Variants in RNF144B observed in about 807,000 individuals in gnomAD.
The protein encoded by RNF144B is E3 ubiquitin-protein ligase RNF144B.
A neutral mutation model predicts 40.2 loss-of-function variants in RNF144B; 25 were observed. The ratio of observed to expected loss-of-function variants is 0.62; its 90% CI spans 0.45 to 0.87. The LOEUF (loss-of-function observed/expected upper bound fraction) is 0.87. Ranked by LOEUF, RNF144B falls within the 40% of genes least tolerant of loss-of-function variation. The pLI is 0.00. For missense variants in RNF144B, 365 were observed against 373.7 expected, an observed-to-expected ratio of 0.98 and a Z score of 0.19; for synonymous variants, 145 against 136.3, an observed-to-expected ratio of 1.06 and a Z score of -0.44.
chr6:18,435,278 C>G lies in RNF144B; in HGVS notation c.271-4406C>G, dbSNP rs140942592. ...AAGTAGTTGATCTCAGGGTAGTGGT[C>G]TCTTGATAGCTGAGAATATACCTAG... On this transcript the variant is annotated intron_variant, in intron 3 of 7. Coordinates refer to ENST00000259939, the MANE Select transcript of RNF144B (RefSeq NM_182757.4). Among the ~76,000 whole-genome samples, 3 of 152,258 alleles carry G rather than the reference C, an allele frequency of 2.0e-5. No homozygotes were observed. The East Asian group carries it at 5.8e-4, about 29-fold the overall frequency.
intron 1 of RNF144B, among the ~76,000 whole-genome samples, chr6:18,393,587 C>G (rs1344982157): frequency 6.6e-6 from 1 of 152,204 alleles, no homozygotes; most frequent in Non-Finnish European, 1.5e-5. Flanking sequence ...GTACCAAGAT[C>G]AACATAATGC....
rs1759573198 is a variant in RNF144B at position 18,466,490 on chromosome 6, C to T, written c.*1423C>T. On this transcript the variant is annotated 3_prime_UTR_variant, in exon 8 of 8. Coordinates refer to ENST00000259939, the MANE Select transcript of RNF144B (RefSeq NM_182757.4). The stretch of plus-strand genomic sequence containing the variant: ...ATCACCTCATTGTGACTTATTTTTT[C>T]CATTATACCATTAGTCAGATTTGAA... 1 of 152,556 alleles carries T rather than the reference C, an allele frequency of 6.6e-6. No individual in the cohort carries two copies. Among genetic ancestry groups the T allele is most frequent in the Non-Finnish European group, 1.5e-5 (1 of 68,020 alleles). 9.5% of individuals were successfully genotyped at this position (152,556 alleles called of 1,614,324 possible).
At chr6:18,427,501 GAC>G in intron 2 of RNF144B, 78 bp from the exon 3 acceptor site, 1 of 876,722 alleles carries the variant, frequency 1.1e-6, no homozygotes, top group Non-Finnish European at 1.8e-6. Flanking sequence ...TAAGGAAGAA[GAC>G]ACAGTGGTGG....
intron 2 of RNF144B, among the ~76,000 whole-genome samples, chr6:18,421,265 A>G (rs1758409896): frequency 7.3e-6 from 1 of 136,886 alleles, no homozygotes; most frequent in Non-Finnish European, 1.5e-5. Context: ...AAAAAAAATT[A>G]TATATTATAC....
rs1758768906 is a variant in RNF144B at position 18,434,419 on chromosome 6, A to T, written c.271-5265A>T. ...TGGTGATGCTTGTTTAAATATTATG[A>T]TCGTGGTTAATACTGATTAACAGGT... On this transcript the variant is annotated intron_variant, in intron 3 of 7. Coordinates refer to ENST00000259939, the MANE Select transcript of RNF144B (RefSeq NM_182757.4). This position sits in a 1 kb window ranked among gnomAD's most constrained non-coding sequence, Gnocchi z 4.1. 6.6e-6 allele frequency among the ~76,000 whole-genome samples: 1 copy of T among 151,876 alleles called. No individual in the cohort carries two copies.
At chr6:18,388,236 A>G (rs1159646155) in intron 1 of RNF144B, among the ~76,000 whole-genome samples, 4 of 152,182 alleles carry the variant, frequency 2.6e-5, no homozygotes, top group African/African-American at 4.8e-5. Context: ...TCATGTTCTC[A>G]TAACAGACTG....
chr6:18,452,916 C>G (rs959468709), intron 4 of RNF144B, among the ~76,000 whole-genome samples: 2 of 151,972 alleles, frequency 1.3e-5, no homozygotes, highest in Admixed American at 1.3e-4. Flanking sequence ...TCTCAAGTAG[C>G]TGGGACTATA....
rs1254139065 is a variant in RNF144B, at chr6:18,442,813, C to G, written c.331+3069C>G. ...ACAATATCTGTCCTTTTGTGTTTGT[C>G]TTATTTTACTTAATATATGTTTTTC... On this transcript the variant is annotated intron_variant, in intron 4 of 7. Transcript: ENST00000259939. The surrounding 1 kb of genome is among the most constrained non-coding windows in gnomAD (Gnocchi z 4.3). Among the ~76,000 whole-genome samples, 1 of 152,102 alleles carries G rather than the reference C, an allele frequency of 6.6e-6. No homozygotes were observed. Among genetic ancestry groups the G allele is most frequent in the Non-Finnish European group, 1.5e-5 (1 of 68,004 alleles).
chr6:18,423,848 GAA>G (rs1343914048), intron 2 of RNF144B, among the ~76,000 whole-genome samples: 1 of 152,106 alleles, frequency 6.6e-6, no homozygotes, highest in African/African-American at 2.4e-5. Context: ...CTATACAAAA[GAA>G]AAAGGTTTTT....
intron 4 of RNF144B, among the ~76,000 whole-genome samples, chr6:18,440,594 T>A (rs1758936026): frequency 6.6e-6 from 1 of 152,062 alleles, no homozygotes; most frequent in South Asian, 2.1e-4. Flanking sequence ...ATAAGTTTGG[T>A]CAGTACAATT....
intron 1 of RNF144B, among the ~76,000 whole-genome samples, chr6:18,394,904 G>A (rs77083819): frequency 4.6e-5 from 7 of 152,244 alleles, no homozygotes; most frequent in South Asian, 4.1e-4. Context: ...AAACTCAGAC[G>A]TTTCAGAATG....
chr6:18,416,033 G>C lies in RNF144B; in HGVS notation c.166-11548G>C, dbSNP rs1268293177. 6.6e-6 allele frequency among the ~76,000 whole-genome samples: 1 copy of C among 152,072 alleles called. No individual in the cohort carries two copies. Among genetic ancestry groups the C allele is most frequent in the African/African-American group, 2.4e-5 (1 of 41,396 alleles). On this transcript the variant is annotated intron_variant, in intron 2 of 7. Transcript: ENST00000259939. This position sits in a 1 kb window ranked among gnomAD's most constrained non-coding sequence, Gnocchi z 5.5. Reference sequence around the variant, plus strand: ...TGCTGGGTCTGTGTGCTAAGGCTTTGGTGTCAGCTGAGGGCTTACAGTTCT... The same window carrying C: ...TGCTGGGTCTGTGTGCTAAGGCTTTCGTGTCAGCTGAGGGCTTACAGTTCT...
chr6:18,457,426 T>A lies in RNF144B; in HGVS notation c.536+67T>A. The A allele has an allele frequency of 1.7e-6, 2 of 1,197,078 alleles. No individual in the cohort carries two copies. The highest frequency in any genetic ancestry group is 2.5e-6 in the Non-Finnish European group (2 of 800,890). The allele number at this position is 1,197,078 out of a possible 1,614,324, so 74.2% of individuals were successfully genotyped here. On this transcript the variant is annotated intron_variant, in intron 5 of 7. Coordinates refer to ENST00000259939, the MANE Select transcript of RNF144B (RefSeq NM_182757.4). This position sits in a 1 kb window ranked among gnomAD's most constrained non-coding sequence, Gnocchi z 5.1. ...TCTTAGAAATTCAACATACCTTACG[T>A]GTAGAAGGAGTTACGTTGTGATGGC...
intron 3 of RNF144B, among the ~76,000 whole-genome samples, chr6:18,428,856 T>G (rs894877406): frequency 2.0e-5 from 3 of 152,188 alleles, no homozygotes; most frequent in African/African-American, 7.2e-5. Flanking sequence ...GATAGGATTC[T>G]AATCCATTGC....
In RNF144B at chr6:18,400,095, C is replaced by A. The variant is rs1215220393; in HGVS notation, c.165+396C>A. Among the ~76,000 whole-genome samples the A allele has an allele frequency of 6.6e-6, 1 of 151,954 alleles. No homozygotes were observed. Among genetic ancestry groups the A allele is most frequent in the Non-Finnish European group, 1.5e-5 (1 of 67,990 alleles). ...GACCATCCTAGCTAACATGGTAAAA[C>A]CCCGTCTCTACTAAAAATACAAAAG... On this transcript the variant is annotated intron_variant, in intron 2 of 7. Transcript: ENST00000259939. This position sits in a 1 kb window ranked among gnomAD's most constrained non-coding sequence, Gnocchi z 5.6.
rs986518196 is a variant in RNF144B at position 18,387,790 on chromosome 6, C to T, written c.-37+160C>T. Among the ~76,000 whole-genome samples, 6 of 152,170 alleles carry T rather than the reference C, an allele frequency of 3.9e-5. No homozygotes were observed. In the East Asian group the frequency reaches 9.6e-4, roughly 24 times the overall value. On this transcript the variant is annotated intron_variant, in intron 1 of 7. Transcript: ENST00000259939. ...ACAGAACTGAATTCATTCTGAATGCCTTAAACACCTGTTAACTTAGAAGAA... is the reference window on the plus strand; with the variant it reads ...ACAGAACTGAATTCATTCTGAATGCTTTAAACACCTGTTAACTTAGAAGAA...
intron 3 of RNF144B, among the ~76,000 whole-genome samples, chr6:18,432,759 C>G (rs1169949472): frequency 6.6e-6 from 1 of 152,196 alleles, no homozygotes; most frequent in African/African-American, 2.4e-5. Flanking sequence ...GTTTTAACTT[C>G]TTCCAATTGC....
rs1323783143 is a variant in RNF144B, at chr6:18,398,236, C to A, written c.-36-1263C>A. ...GGTACCTCATTTAAGTGGAATCATA[C>A]AATATTTGATTTTCTGTCTGGTTTA... On this transcript the variant is annotated intron_variant, in intron 1 of 7. Transcript: ENST00000259939. The surrounding 1 kb of genome is among the most constrained non-coding windows in gnomAD (Gnocchi z 5.0). Among the ~76,000 whole-genome samples the A allele has an allele frequency of 6.6e-6, 1 of 152,156 alleles. No homozygotes were observed. Among genetic ancestry groups the A allele is most frequent in the Non-Finnish European group, 1.5e-5 (1 of 68,032 alleles).
intron 1 of RNF144B, among the ~76,000 whole-genome samples, chr6:18,389,379 T>C (rs969983171): frequency 2.0e-5 from 3 of 152,214 alleles, no homozygotes; most frequent in African/African-American, 7.2e-5. Flanking sequence ...TTATTTTATC[T>C]ACCTGGTATG....
Sources: allele counts gnomAD v4.1 joint callset (sites outside exome capture counted in the v4.1 genomes callset), GRCh38; gene constraint gnomAD v4.1.1; non-coding constraint Gnocchi (gnomAD v3.1); transcripts MANE v1.5; gene names NCBI Gene and HGNC (gene_info 2026-07-23, HGNC 2026-07-21).